PI4KA: variants seen among roughly 807,000 people sequenced by gnomAD.
PI4KA encodes PI4-kinase alpha.
In PI4KA, 122 loss-of-function variants were observed where a neutral mutation model predicts 271.4. That is an observed-to-expected ratio of 0.45 (90% CI 0.39 to 0.52). The LOEUF (loss-of-function observed/expected upper bound fraction) is 0.52. Ranked by LOEUF, PI4KA falls within the 20% of genes least tolerant of loss-of-function variation. The probability of loss-of-function intolerance (pLI) is 0.00; values close to 1 mark genes in which losing one functional copy is unlikely to be tolerated. For synonymous variants in PI4KA, 1,041 were observed against 1,078.8 expected, an observed-to-expected ratio of 0.96 and a Z score of 0.69; for missense variants, 1,969 against 2,769.1, an observed-to-expected ratio of 0.71 and a Z score of 6.48.
chr22:20,770,570 CTGG>C (rs1932826064), intron 19 of PI4KA, among the ~76,000 whole-genome samples: 1 of 109,418 alleles, frequency 9.1e-6, no homozygotes, highest in Non-Finnish European at 1.8e-5. Context: ...GTTGCCCAAG[CTGG>C]ACACGGACAC....
rs1924688186 is a variant in PI4KA at position 20,707,782 on chromosome 22, A to C, written c.*265T>G. ...TACACAATACTTCATGTACCTATGA[A>C]ATAAGACAGGTAGGGAATATGTCCA... On this transcript the variant is annotated 3_prime_UTR_variant, in exon 55 of 55. Transcript: ENST00000255882. 1 of 561,726 alleles carries C rather than the reference A, an allele frequency of 1.8e-6. No homozygotes were observed. Among genetic ancestry groups the C allele is most frequent in the African/African-American group, 1.9e-5 (1 of 52,984 alleles). The allele number at this position is 561,726 out of a possible 1,614,324, so 34.8% of individuals were successfully genotyped here.
rs762093919 is a variant in PI4KA, at chr22:20,820,583, T to C, written c.485A>G (p.His162Arg). ...GGCCTGGCACATCCCCAAGAGGACA[T>C]GCAAAACCTGCAAAAGCACCTCTAA... ...EILEVLLQVLHVLLGMCQALE... is the reference protein window; with the variant it reads ...EILEVLLQVLRVLLGMCQALE... The change falls in exon 5 of 55, where the codon CAT (histidine) becomes CGT (arginine). Residue 162 changes from histidine to arginine, a missense_variant. Around this residue, in one of 13 missense-constraint regions of PI4KA, gnomAD observed 540 missense variants for 555.5 expected, o/e 0.97. Coordinates refer to ENST00000255882, the MANE Select transcript of PI4KA (RefSeq NM_058004.4). 1.9e-5 allele frequency: 30 copies of C among 1,610,690 alleles called. No homozygotes were observed. Among genetic ancestry groups the C allele is most frequent in the African/African-American group, 2.7e-5 (2 of 74,522 alleles).
At chr22:20,807,817 G>T (rs1467751495) in intron 9 of PI4KA, among the ~76,000 whole-genome samples, 2 of 152,136 alleles carry the variant, frequency 1.3e-5, no homozygotes, top group African/African-American at 4.8e-5. Flanking sequence ...CAGAGTAAGG[G>T]ATCCACACTG....
intron 19 of PI4KA, among the ~76,000 whole-genome samples, chr22:20,770,339 CCT>C (rs1569011251): frequency 6.6e-6 from 1 of 151,442 alleles, no homozygotes; most frequent in Non-Finnish European, 1.5e-5. Flanking sequence ...ATGGTAAAAC[CCT>C]GTCTCTACTA....
intron 1 of PI4KA, among the ~76,000 whole-genome samples, chr22:20,846,264 A>T (rs1926233523): frequency 2.6e-5 from 1 of 38,280 alleles, no homozygotes; most frequent in African/African-American, 1.4e-4. Context: ...ACTCTATCTC[A>T]AAAAAAAAAA....
chr22:20,770,300 G>A (rs993686955), intron 19 of PI4KA, among the ~76,000 whole-genome samples: 23 of 151,394 alleles, frequency 1.5e-4, no homozygotes, highest in Non-Finnish European at 2.9e-4. Context: ...ATCATCTGAG[G>A]TCAGGAGTTC....
intron 32 of PI4KA, among the ~76,000 whole-genome samples, 168 bp downstream of exon 32, chr22:20,742,060 T>C (rs1929522246): frequency 6.6e-6 from 1 of 152,216 alleles, no homozygotes; most frequent in African/African-American, 2.4e-5. Flanking sequence ...TATATTCTAT[T>C]TTCTGTGACT....
chr22:20,784,204 AC>A, intron 19 of PI4KA: 1 of 1,614,030 alleles, frequency 6.2e-7, no homozygotes, highest in South Asian at 1.1e-5. Flanking sequence ...CGCAACTGAC[AC>A]CCCGGGTGGT....
chr22:20,810,574 C>G (rs2147647318), intron 9 of PI4KA, among the ~76,000 whole-genome samples: 1 of 152,050 alleles, frequency 6.6e-6, no homozygotes, highest in East Asian at 1.9e-4. Flanking sequence ...TTGCATACGC[C>G]TAGAAAAGTG....
At chr22:20,815,699 C>T (rs1921705852) in intron 7 of PI4KA, among the ~76,000 whole-genome samples, 1 of 151,964 alleles carries the variant, frequency 6.6e-6, no homozygotes, top group Non-Finnish European at 1.5e-5. Flanking sequence ...AAGAAATGGC[C>T]ACTGAAAGAG....
intron 1 of PI4KA, among the ~76,000 whole-genome samples, chr22:20,840,537 G>A (rs1925419381): frequency 6.6e-6 from 1 of 151,366 alleles, no homozygotes; most frequent in African/African-American, 2.4e-5. Context: ...AGAGACAGGT[G>A]AGGAGACTCC....
At chr22:20,735,460 C>T (rs1234977547) in intron 32 of PI4KA, among the ~76,000 whole-genome samples, 1 of 147,330 alleles carries the variant, frequency 6.8e-6, no homozygotes, top group Non-Finnish European at 1.5e-5. Context: ...AGGGTGGCCA[C>T]GTGGCCAGTC....
Position 20,834,564 on chromosome 22 carries a change from C to G in PI4KA, c.365G>C (p.Arg122Thr), listed in dbSNP as rs766085668. ...WVEESTARKGRGALPVAESFS... is the reference protein window; with the variant it reads ...WVEESTARKGTGALPVAESFS... ...GGGAAAACATTATATACAATTACCT[C>G]TGCCTTTCCGAGCTGTGCTTTCTTC... The change falls in exon 3 of 55, where the codon AGA (arginine) becomes ACA (threonine). Residue 122 changes from arginine (R) to threonine (T), a missense_variant and splice_region_variant. By Grantham distance (71) the Arg-to-Thr change is moderately conservative. Transcript: ENST00000255882. The G allele has an allele frequency of 2.5e-5, 39 of 1,576,298 alleles. No individual in the cohort carries two copies. In the South Asian group the frequency reaches 4.1e-4, roughly 17 times the overall value.
At chr22:20,758,459 C>CTTTTTTTTT (rs35401829) in intron 23 of PI4KA, among the ~76,000 whole-genome samples, 429 of 84,610 alleles carry the variant, frequency 5.1e-3, no homozygotes, top group Middle Eastern at 8.3e-3. Flanking sequence ...TCTTTCTTTT[C>CTTTTTTTTT]TTTTTTTTTT....
intron 31 of PI4KA, 90 bp from the exon 32 acceptor site, chr22:20,742,445 G>A (rs1442583602): frequency 3.6e-5 from 56 of 1,564,836 alleles, no homozygotes; most frequent in Non-Finnish European, 4.4e-5. Flanking sequence ...GACCAGCTGG[G>A]GCCAGTGATG....
At chr22:20,779,400 A>G in intron 19 of PI4KA, 3 of 1,614,234 alleles carry the variant, frequency 1.9e-6, no homozygotes, top group Non-Finnish European at 2.5e-6. Context: ...TCAGCTAGAG[A>G]AAGGAGGGGA....
rs1347538463 is a variant in PI4KA at position 20,858,751 on chromosome 22, G to A, written c.-26C>T. 1.1e-5 allele frequency: 15 copies of A among 1,366,404 alleles called. No homozygotes were observed. The highest frequency in any genetic ancestry group is 9.6e-5 in the South Asian group (6 of 62,180). The allele number at this position is 1,366,404 out of a possible 1,614,324, so 84.6% of individuals were successfully genotyped here. A position where few individuals can be genotyped will look rare whatever the true frequency, so the allele number is the denominator to read the frequency against. On this transcript the variant is annotated 5_prime_UTR_variant, in exon 1 of 55. Transcript: ENST00000255882. ...CACCTCACGAGCCGCGGCGCTGCCC[G>A]CCGGCTCCCCGCTCCTGGCCCGCGA...
chr22:20,731,460 A>T (rs1928040821), intron 36 of PI4KA, among the ~76,000 whole-genome samples: 1 of 151,940 alleles, frequency 6.6e-6, no homozygotes, highest in African/African-American at 2.4e-5. Flanking sequence ...AATGTGGCCC[A>T]CACCTGTAAT....
At chr22:20,793,278 A>T in intron 18 of PI4KA, 35 bp from the exon 19 acceptor site, 1 of 1,275,566 alleles carries the variant, frequency 7.8e-7, no homozygotes, top group Non-Finnish European at 1.1e-6. Flanking sequence ...ATTAACGAGT[A>T]TGTGTTTCTT....
Sources: allele counts gnomAD v4.1 joint callset (sites outside exome capture counted in the v4.1 genomes callset), GRCh38; gene constraint gnomAD v4.1.1; regional missense constraint gnomAD v4.1.1; transcripts MANE v1.5; gene names NCBI Gene and HGNC (gene_info 2026-07-23, HGNC 2026-07-21).